The following PCDH11Y variants were observed in gnomAD, a reference collection of about 807,000 sequenced individuals.
PCDH11Y encodes the protein protocadherin 11 Y-linked, also known as protocadherin-11 Y-linked.
For missense variants in PCDH11Y, 12 were observed against 224.8 expected (o/e 0.05, Z 6.05); for synonymous variants, 9 against 83.6 (o/e 0.11, Z 4.87).
chrY:5,654,373 G>T (rs2053534579), intron 4 of PCDH11Y, among the ~76,000 whole-genome samples: 1 of 33,568 alleles, frequency 3.0e-5, no homozygotes, highest in East Asian at 7.8e-4. Flanking sequence ...AGCAATTCCA[G>T]TACTGGGTAT....
chrY:5,628,468 G>T, intron 4 of PCDH11Y, among the ~76,000 whole-genome samples: 1 of 33,014 alleles, frequency 3.0e-5, no homozygotes, highest in Non-Finnish European at 7.4e-5. Flanking sequence ...CAGCTGAATG[G>T]GTATACCAGA....
At chrY:5,620,789 CA>C (rs2053498697) in intron 4 of PCDH11Y, among the ~76,000 whole-genome samples, 1 of 32,945 alleles carries the variant, frequency 3.0e-5, no homozygotes, top group African/African-American at 1.2e-4. Context: ...CATAAACAGA[CA>C]AAAACCACAC....
At chrY:5,503,505 A>C in intron 3 of PCDH11Y, among the ~76,000 whole-genome samples, 1 of 32,920 alleles carries the variant, frequency 3.0e-5, no homozygotes, top group Non-Finnish European at 7.6e-5. Flanking sequence ...AATACTAACA[A>C]ACTGCTCTCC....
At chrY:5,470,683 G>A (rs2053313432) in intron 2 of PCDH11Y, among the ~76,000 whole-genome samples, 1 of 27,857 alleles carries the variant, frequency 3.6e-5, no homozygotes, top group Non-Finnish European at 8.6e-5. Context: ...GATTAATTTG[G>A]GGGAGGATAA....
At chrY:5,024,922 G>GA (rs2052576555) in intron 1 of PCDH11Y, among the ~76,000 whole-genome samples, 2 of 32,061 alleles carry the variant, frequency 6.2e-5, no homozygotes, top group Admixed American at 2.9e-4. Context: ...TAGTGTAAGT[G>GA]AAAAAAAACA....
intron 2 of PCDH11Y, among the ~76,000 whole-genome samples, chrY:5,263,837 C>T: frequency 3.0e-5 from 1 of 32,847 alleles, no homozygotes; most frequent in African/African-American, 1.2e-4. Context: ...GGTGGGAAAT[C>T]CAGCCATGTT....
intron 4 of PCDH11Y, among the ~76,000 whole-genome samples, chrY:5,603,957 AAG>A (rs2053476718): frequency 3.1e-5 from 1 of 31,972 alleles, no homozygotes; most frequent in African/African-American, 1.2e-4. Context: ...AAGAGAAAGA[AAG>A]AGAGAGAGAG....
intron 4 of PCDH11Y, among the ~76,000 whole-genome samples, chrY:5,732,041 G>A: frequency 6.4e-5 from 2 of 31,112 alleles, no homozygotes; most frequent in African/African-American, 2.5e-4. Context: ...CATGTGTGTT[G>A]GGTCTGTTGA....
At chrY:5,022,802 C>A in intron 1 of PCDH11Y, among the ~76,000 whole-genome samples, 1 of 32,515 alleles carries the variant, frequency 3.1e-5, no homozygotes, top group Admixed American at 2.9e-4. Context: ...AGTCATAATG[C>A]AGACAAAAGG....
chrY:5,388,919 A>G (rs2124675707), intron 2 of PCDH11Y, among the ~76,000 whole-genome samples: 5 of 33,890 alleles, frequency 1.5e-4, no homozygotes, highest in Admixed American at 1.4e-3. Context: ...TATAGGGAAA[A>G]TACTTTTTAA....
intron 2 of PCDH11Y, among the ~76,000 whole-genome samples, chrY:5,194,490 G>A (rs2124648837): frequency 3.3e-5 from 1 of 30,554 alleles, no homozygotes; most frequent in South Asian, 7.9e-4. Context: ...ATCGTGTTTG[G>A]CAGCATGGCT....
At chrY:5,410,370 C>CA (rs201317062) in intron 2 of PCDH11Y, among the ~76,000 whole-genome samples, 12 of 24,301 alleles carry the variant, frequency 4.9e-4, no homozygotes, top group East Asian at 1.0e-3. Flanking sequence ...AACCCTGTCT[C>CA]AAAAAAAAAA....
intron 4 of PCDH11Y, among the ~76,000 whole-genome samples, chrY:5,665,310 A>C: frequency 2.9e-5 from 1 of 34,199 alleles, no homozygotes; most frequent in African/African-American, 1.1e-4. Context: ...TCTTAGAAAT[A>C]GAGCAAAGAA....
intron 4 of PCDH11Y, among the ~76,000 whole-genome samples, chrY:5,710,470 T>C: frequency 3.1e-5 from 1 of 32,056 alleles, no homozygotes; most frequent in Non-Finnish European, 7.6e-5. Context: ...TCTGAGACTG[T>C]AGTGAATCTG....
intron 2 of PCDH11Y, among the ~76,000 whole-genome samples, chrY:5,373,479 C>T (rs2053193438): frequency 3.3e-5 from 1 of 30,299 alleles, no homozygotes; most frequent in South Asian, 7.6e-4. Flanking sequence ...GCCACTGCGT[C>T]GGCCTGAATT....
intron 4 of PCDH11Y, among the ~76,000 whole-genome samples, chrY:5,600,587 G>T: frequency 6.3e-5 from 2 of 31,875 alleles, no homozygotes; most frequent in South Asian, 7.1e-4. Flanking sequence ...AAAACAAAAA[G>T]TTCCAGATGA....
intron 2 of PCDH11Y, among the ~76,000 whole-genome samples, chrY:5,282,767 A>G: frequency 3.0e-5 from 1 of 33,342 alleles, no homozygotes; most frequent in Non-Finnish European, 7.5e-5. Context: ...TACCTAAAAG[A>G]GGAAGGACTG....
intron 4 of PCDH11Y, among the ~76,000 whole-genome samples, chrY:5,639,978 A>G (rs2053521886): frequency 8.2e-4 from 27 of 32,765 alleles, no homozygotes; most frequent in African/African-American, 3.2e-3. Flanking sequence ...CTGCCACTTT[A>G]TCAACTAAGC....
At chrY:5,134,005 AT>A (rs2052836466) in intron 2 of PCDH11Y, among the ~76,000 whole-genome samples, 3 of 29,992 alleles carry the variant, frequency 1.0e-4, no homozygotes, top group South Asian at 7.2e-4. Context: ...GTATTTTTCC[AT>A]TTTTTTTTGG....
Sources: gnomAD v4.1 joint callset for allele counts (sites outside exome capture counted in the v4.1 genomes callset) on GRCh38, gnomAD v4.1.1 for gene constraint, MANE v1.5 for transcripts, NCBI Gene and HGNC (gene_info 2026-07-23, HGNC 2026-07-21) for gene names.